The following ESRP1 variants were observed in gnomAD, a reference collection of about 807,000 sequenced individuals.
The protein encoded by ESRP1 is RNA-binding motif protein 35A.
Under a neutral mutation model 81.7 loss-of-function variants are expected in ESRP1, and 33 were observed. The observed-to-expected ratio is 0.40, with a 90% CI of 0.31 to 0.54. The LOEUF (loss-of-function observed/expected upper bound fraction) is 0.54. ESRP1 is among the 20% of genes least tolerant of loss of function. ESRP1 has a pLI of 0.41. For missense variants in ESRP1, 672 were observed against 833.1 expected (o/e 0.81, Z 2.38); for synonymous variants, 320 against 303.3 (o/e 1.06, Z -0.57).
rs184480768 is a variant in ESRP1, at chr8:94,648,068, G to A, written c.490+1786G>A. Among the ~76,000 whole-genome samples the A allele has an allele frequency of 3.9e-5, 6 of 152,222 alleles. No individual in the cohort carries two copies. The East Asian group carries it at 1.2e-3, about 29-fold the overall frequency. On this transcript the variant is annotated intron_variant, in intron 4 of 15. Coordinates refer to ENST00000433389, the MANE Select transcript of ESRP1 (RefSeq NM_017697.4). The stretch of plus-strand genomic sequence containing the variant: ...GTATATTAAGGATTGTTGTGCCAGG[G>A]CAATATAGAGAAACCCCATGTCAAC...
At chr8:94,696,711 A>G in intron 14 of ESRP1, 141 bp from the exon 15 acceptor site, 1 of 573,196 alleles carries the variant, frequency 1.7e-6, no homozygotes, top group Non-Finnish European at 3.0e-6. Context: ...GTTAGTAGAT[A>G]TGTATATGGC....
At chr8:94,694,734 G>A (rs1219599963) in intron 14 of ESRP1, among the ~76,000 whole-genome samples, 1 of 152,206 alleles carries the variant, frequency 6.6e-6, no homozygotes, top group Admixed American at 6.5e-5. Context: ...TCAGTCTGTA[G>A]CAGTTTTTCT....
At chr8:94,652,010 T>TTTTTTTTTTTTGA (rs1216503816) in intron 4 of ESRP1, among the ~76,000 whole-genome samples, 1 of 141,432 alleles carries the variant, frequency 7.1e-6, no homozygotes, top group Admixed American at 6.9e-5. Flanking sequence ...TTTTTTTTTT[T>TTTTTTTTTTTTGA]GACAGAGTTT....
At chr8:94,651,987 CTTTTTTTTTTTTT>C (rs35903773) in intron 4 of ESRP1, among the ~76,000 whole-genome samples, 2 of 65,212 alleles carry the variant, frequency 3.1e-5, no homozygotes, top group African/African-American at 1.4e-4. Flanking sequence ...TCTAAAACGC[CTTTTTTTTTTTTT>C]TTTTTTTTTT....
chr8:94,664,672 A>T, intron 6 of ESRP1, 25 bp from the exon 7 acceptor site: 1 of 1,566,844 alleles, frequency 6.4e-7, no homozygotes, highest in South Asian at 1.1e-5. Context: ...TTATCATGCA[A>T]CCTGAAGTTT....
In ESRP1 at chr8:94,706,830, C is replaced by T. The variant is rs1342047098; in HGVS notation, c.*941C>T. 1.3e-5 allele frequency: 2 copies of T among 152,150 alleles called. No homozygotes were observed. The highest frequency in any genetic ancestry group is 6.6e-5 in the Admixed American group (1 of 15,266). 9.4% of individuals were successfully genotyped at this position (152,150 alleles called of 1,614,324 possible). A position where few individuals can be genotyped will look rare whatever the true frequency, so the allele number is the denominator to read the frequency against. ...TACACTAACTGAACAGAAGTGAATG[C>T]TTATATATATTATGATAGCCTTAAA... On this transcript the variant is annotated 3_prime_UTR_variant, in exon 16 of 16. Transcript: ENST00000433389.
chr8:94,679,130 C>T (rs1348690356), intron 13 of ESRP1, among the ~76,000 whole-genome samples: 2 of 152,168 alleles, frequency 1.3e-5, no homozygotes, highest in African/African-American at 2.4e-5. Context: ...CAGAATTTTC[C>T]ACTAAGGAGT....
chr8:94,643,360 T>C lies in ESRP1; in HGVS notation c.319T>C (p.Cys107Arg). 1 of 1,613,968 alleles carries C rather than the reference T, an allele frequency of 6.2e-7. No homozygotes were observed. ...NIGVGTSFCLCTDGQLHVRQI... is the reference protein window; with the variant it reads ...NIGVGTSFCLRTDGQLHVRQI... ...TGGAGTAGGGACTTCCTTCTGTCTC[T>C]GTACTGATGGGCAGCTTCATGTCAG... Residue 107 changes from cysteine (C) to arginine (R), a missense_variant, in exon 3 of 16, where the codon TGT becomes CGT. Cys to Arg is a radical substitution (Grantham distance 180). Transcript: ENST00000433389.
chr8:94,684,102 C>G (rs1255685690), intron 13 of ESRP1, among the ~76,000 whole-genome samples: 1 of 152,090 alleles, frequency 6.6e-6, no homozygotes, highest in East Asian at 1.9e-4. Context: ...TAGCCTCGGC[C>G]TCCCTAAGTG....
At chr8:94,703,449 C>T (rs2130745865) in intron 15 of ESRP1, among the ~76,000 whole-genome samples, 1 of 152,246 alleles carries the variant, frequency 6.6e-6, no homozygotes, top group South Asian at 2.1e-4. Context: ...CGCTCCTGGC[C>T]TCAGTTTCAT....
intron 13 of ESRP1, among the ~76,000 whole-genome samples, chr8:94,684,234 T>C (rs999859594): frequency 6.6e-6 from 1 of 152,192 alleles, no homozygotes; most frequent in African/African-American, 2.4e-5. Context: ...TTGGGAGATT[T>C]ATTTATTTGT....
intron 13 of ESRP1, among the ~76,000 whole-genome samples, chr8:94,692,470 A>G (rs1358365130): frequency 2.0e-5 from 3 of 152,138 alleles, no homozygotes; most frequent in South Asian, 4.1e-4. Context: ...ATTCTGCACT[A>G]ATCTCACTGC....
intron 13 of ESRP1, among the ~76,000 whole-genome samples, chr8:94,685,202 T>C (rs1290623728): frequency 6.6e-6 from 1 of 152,144 alleles, no homozygotes; most frequent in Admixed American, 6.6e-5. Context: ...AGTCTTATTA[T>C]CAATATAGCA....
At chr8:94,662,395 C>T (rs1818791579) in intron 5 of ESRP1, 25 bp downstream of exon 5, 1 of 1,528,340 alleles carries the variant, frequency 6.5e-7, no homozygotes, top group Non-Finnish European at 8.9e-7. Context: ...TATAGTAGTG[C>T]AGTCCCAGAA....
intron 13 of ESRP1, among the ~76,000 whole-genome samples, chr8:94,678,872 C>G (rs1310008051): frequency 6.6e-6 from 1 of 152,116 alleles, no homozygotes; most frequent in African/African-American, 2.4e-5. Context: ...TTCTTAGAGT[C>G]TATATATTTT....
At chr8:94,662,146 C>A in intron 4 of ESRP1, 126 bp from the exon 5 acceptor site, 2 of 606,170 alleles carry the variant, frequency 3.3e-6, no homozygotes, top group Non-Finnish European at 5.6e-6. Flanking sequence ...GGCAGCCATT[C>A]TGAGATTTCT....
chr8:94,655,065 TTG>T (rs1554575901), intron 4 of ESRP1, among the ~76,000 whole-genome samples: 2 of 147,618 alleles, frequency 1.4e-5, no homozygotes, highest in Non-Finnish European at 3.0e-5. Context: ...TTTGGGTTTT[TTG>T]TGTGTGTGTG....
chr8:94,707,395 A>G lies in ESRP1; in HGVS notation c.*1506A>G, dbSNP rs756629874. ...CTGAAAGACTTTAAGATAGGCAGTAATGCTTACTACAATACTACTGAGTTT... is the reference window on the plus strand; with the variant it reads ...CTGAAAGACTTTAAGATAGGCAGTAGTGCTTACTACAATACTACTGAGTTT... On this transcript the variant is annotated 3_prime_UTR_variant, in exon 16 of 16. Coordinates refer to ENST00000433389, the MANE Select transcript of ESRP1 (RefSeq NM_017697.4). 1 of 152,236 alleles carries G rather than the reference A, an allele frequency of 6.6e-6. No homozygotes were observed. The highest frequency in any genetic ancestry group is 1.5e-5 in the Non-Finnish European group (1 of 68,042). The allele number at this position is 152,236 out of a possible 1,614,324, so 9.4% of individuals were successfully genotyped here.
intron 3 of ESRP1, 50 bp from the exon 4 acceptor site, chr8:94,646,118 C>A: frequency 2.8e-6 from 3 of 1,063,254 alleles, no homozygotes; most frequent in Non-Finnish European, 4.2e-6. Flanking sequence ...GTGAGAGAAA[C>A]ATTGAACCAA....
Sources: gnomAD v4.1 joint callset for allele counts (sites outside exome capture counted in the v4.1 genomes callset) on GRCh38, gnomAD v4.1.1 for gene constraint, MANE v1.5 for transcripts, NCBI Gene and HGNC (gene_info 2026-07-23, HGNC 2026-07-21) for gene names.